HEATR1: variants seen among roughly 807,000 people sequenced by gnomAD.
HEATR1 encodes the protein HEAT repeat containing 1.
Under a neutral mutation model 248.2 loss-of-function variants are expected in HEATR1, and 77 were observed. That is an observed-to-expected ratio of 0.31 (90% CI 0.26 to 0.37). HEATR1 has a LOEUF of 0.37. Ranked by LOEUF, HEATR1 falls within the 10% of genes least tolerant of loss-of-function variation. HEATR1 has a pLI of 1.00. For missense variants in HEATR1, 2,420 were observed against 2,504.9 expected (o/e 0.97, Z 0.72); for synonymous variants, 897 against 923.1 (o/e 0.97, Z 0.51).
chr1:236,601,841 TAA>T (rs1411024690), intron 3 of HEATR1, among the ~76,000 whole-genome samples: 1 of 145,358 alleles, frequency 6.9e-6, no homozygotes, highest in Non-Finnish European at 1.5e-5. Flanking sequence ...AAAATAAAAA[TAA>T]AAAGACAGCC....
intron 24 of HEATR1, 116 bp downstream of exon 24, chr1:236,574,086 A>T: frequency 1.2e-6 from 1 of 817,408 alleles, no homozygotes; most frequent in Non-Finnish European, 1.8e-6. Flanking sequence ...GATTTTTGTT[A>T]ATGGTAACAT....
intron 4 of HEATR1, among the ~76,000 whole-genome samples, chr1:236,598,951 G>T (rs2275684): frequency 0.035 from 5,378 of 152,242 alleles, 261 homozygotes; most frequent in East Asian, 0.23. Flanking sequence ...GACCCTTCCT[G>T]TTATACAAGC....
intron 43 of HEATR1, chr1:236,552,847 G>T (rs1298518322): frequency 6.6e-6 from 1 of 152,194 alleles, no homozygotes; most frequent in African/African-American, 2.4e-5. Flanking sequence ...TTTGTGCAAA[G>T]TAAAATATTA....
Position 236,583,020 on chromosome 1 carries a change from A to G in HEATR1, c.2418T>C (p.Phe806=), listed in dbSNP as rs1488368593. 5 of 1,613,614 alleles carry G rather than the reference A, an allele frequency of 3.1e-6. No homozygotes were observed. The highest frequency in any genetic ancestry group is 4.2e-6 in the Non-Finnish European group (5 of 1,179,824). The stretch of plus-strand genomic sequence containing the variant: ...TCACAGCTTGTATCTTACCTTTAGG[A>G]AAAGATTTAGGAGCTTTCAGTGCAT... ...FIYALKAPKS[F]PKGDIWWNPE... Residue 806 remains phenylalanine (F), a synonymous_variant, in exon 18 of 45, where the codon TTT becomes TTC. Coordinates refer to ENST00000366582, the MANE Select transcript of HEATR1 (RefSeq NM_018072.6).
At chr1:236,569,999 T>C (rs1218889096) in intron 28 of HEATR1, among the ~76,000 whole-genome samples, 1 of 152,126 alleles carries the variant, frequency 6.6e-6, no homozygotes, top group Non-Finnish European at 1.5e-5. Context: ...AAAAACATTA[T>C]GCTAAGCAGC....
intron 37 of HEATR1, 101 bp downstream of exon 37, chr1:236,557,094 A>G (rs1045985945): frequency 8.0e-7 from 1 of 1,245,124 alleles, no homozygotes; most frequent in Admixed American, 2.8e-5. Flanking sequence ...CTTTCTGTCA[A>G]ACGGAAACTA....
At chr1:236,566,938 G>A in intron 29 of HEATR1, 62 bp from the exon 30 acceptor site, 1 of 1,127,324 alleles carries the variant, frequency 8.9e-7, no homozygotes, top group South Asian at 1.3e-5. Context: ...AACAAGTTTA[G>A]GTGAACAAGA....
chr1:236,603,437 C>T, intron 2 of HEATR1, 61 bp from the exon 3 acceptor site: 1 of 1,367,994 alleles, frequency 7.3e-7, no homozygotes, highest in East Asian at 2.3e-5. Flanking sequence ...CATCCCACCC[C>T]TCTTTTACAG....
chr1:236,561,891 C>T (rs1248618052), intron 32 of HEATR1, among the ~76,000 whole-genome samples: 5 of 152,154 alleles, frequency 3.3e-5, no homozygotes, highest in African/African-American at 1.2e-4. Flanking sequence ...TCCCCTTTTA[C>T]TAATAATGCT....
intron 8 of HEATR1, 24 bp from the exon 9 acceptor site, chr1:236,594,138 G>T (rs753966145): frequency 6.9e-7 from 1 of 1,450,740 alleles, no homozygotes; most frequent in Non-Finnish European, 9.4e-7. Flanking sequence ...AATTAAAATT[G>T]TGTTGGGAAA....
chr1:236,578,697 A>AT (rs1479962924), intron 20 of HEATR1, among the ~76,000 whole-genome samples: 2 of 152,118 alleles, frequency 1.3e-5, no homozygotes, highest in Non-Finnish European at 2.9e-5. Flanking sequence ...TTTCTTTAGG[A>AT]TTTTTACATA....
rs1349339113 is a variant in HEATR1 at position 236,572,542 on chromosome 1, A to T, written c.3576T>A (p.Asp1192Glu). 1.2e-6 allele frequency: 2 copies of T among 1,613,736 alleles called. No homozygotes were observed. The highest frequency in any genetic ancestry group is 3.3e-5 in the Admixed American group (2 of 59,930). Residue 1192 changes from aspartate to glutamate, a missense_variant, in exon 26 of 45, where the codon GAT becomes GAA. Physicochemically the swap from Asp to Glu is conservative, Grantham distance 45. Transcript: ENST00000366582. ...RQKMQQKKSQ[D>E]LESVQEVGGS... is the part of the protein sequence containing the mutation. ...CTCCAACTTCCTGAACAGATTCTAG[A>T]TCTTGTGATTTTCTGGAAAATGGAG...
intron 22 of HEATR1, 67 bp downstream of exon 22, chr1:236,576,152 C>T: frequency 8.0e-7 from 1 of 1,249,916 alleles, no homozygotes; most frequent in South Asian, 1.8e-5. Context: ...CTTCTTCACC[C>T]ACAAGCAGTT....
rs1663506030 is a variant in HEATR1, at chr1:236,574,242, T to C, written c.3419A>G (p.Asn1140Ser). The C allele has an allele frequency of 6.2e-7, 1 of 1,612,548 alleles. No homozygotes were observed. The highest frequency in any genetic ancestry group is 8.5e-7 in the Non-Finnish European group (1 of 1,179,454). ...MLFDLLVNCKNSHCAQTVSSV... is the reference protein window; with the variant it reads ...MLFDLLVNCKSSHCAQTVSSV... ...GCTGACAGTCTGAGCACAATGTGAG[T>C]TTTTACAGTTCACCAATAAATCAAA... Residue 1140 changes from asparagine to serine, a missense_variant, in exon 24 of 45, where the codon AAC becomes AGC. Transcript: ENST00000366582.
intron 8 of HEATR1, among the ~76,000 whole-genome samples, chr1:236,594,549 C>T (rs1230221692): frequency 6.6e-6 from 1 of 152,104 alleles, no homozygotes. Flanking sequence ...TGATCTTAGC[C>T]CTTGCTTTCA....
chr1:236,594,026 G>A lies in HEATR1; in HGVS notation c.1179C>T (p.Asp393=), dbSNP rs1308913437. 6 of 1,590,224 alleles carry A rather than the reference G, an allele frequency of 3.8e-6. No individual in the cohort carries two copies. The highest frequency in any genetic ancestry group is 3.6e-5 in the Admixed American group (2 of 56,226). ...TAATAGCTTACCTAGCCAACAAATG[G>A]TCTAAGTTGTTCTTCAGTGATATTT... ...LTKISLKNNL[D]HLLASLLFEE... Residue 393 remains aspartate, a synonymous_variant, in exon 9 of 45, where the codon GAC becomes GAT. Coordinates refer to ENST00000366582, the MANE Select transcript of HEATR1 (RefSeq NM_018072.6).
rs1163120858 is a variant in HEATR1 at position 236,571,604 on chromosome 1, G to T, written c.3790C>A (p.Gln1264Lys). ...TTGCCACCATCTGGAGATAGTTTTT[G>T]GCAGATGTTGAGCAGACAACTAAGA... ...LILSCLLNICQKLSPDGGKIP... is the reference protein window; with the variant it reads ...LILSCLLNICKKLSPDGGKIP... Residue 1264 changes from glutamine to lysine, a missense_variant, in exon 27 of 45, where the codon CAA becomes AAA. Gln to Lys is a moderately conservative substitution (Grantham distance 53, BLOSUM62 1). Transcript: ENST00000366582. The T allele has an allele frequency of 6.2e-7, 1 of 1,613,840 alleles. No homozygotes were observed. Among genetic ancestry groups the T allele is most frequent in the Non-Finnish European group, 8.5e-7 (1 of 1,179,894 alleles).
At position 236,552,082 on chromosome 1, in the gene HEATR1, A is replaced by T. The variant is rs563013149; in HGVS notation, c.6263T>A (p.Val2088Glu). The change falls in exon 44 of 45, where the codon GTG becomes GAG. Residue 2088 changes from valine to glutamate, a missense_variant. Coordinates refer to ENST00000366582, the MANE Select transcript of HEATR1 (RefSeq NM_018072.6). ...CTTTAGTTTTTCAGCCAGTGCTAAC[A>T]CAGTAATCAAAGCAGCAAATCGAAC... ...PKVRFAALITVLALAEKLKEN... is the reference protein window; with the variant it reads ...PKVRFAALITELALAEKLKEN... 7 of 1,613,006 alleles carry T rather than the reference A, an allele frequency of 4.3e-6. No homozygotes were observed. The South Asian group carries it at 5.5e-5, about 13-fold the overall frequency.
rs778012930 is a variant in HEATR1 at position 236,574,843 on chromosome 1, G to A, written c.3145C>T (p.Pro1049Ser). The change falls in exon 23 of 45, where the codon CCC becomes TCC. Residue 1049 changes from proline to serine, a missense_variant. Physicochemically the swap from Pro to Ser is moderately conservative, Grantham distance 74. Transcript: ENST00000366582. Reference sequence around the variant, plus strand: ...GCCTCATCTTTCAGCACAGCTGTGGGCTCCTTCTGGATCTTTTCTAGCAGT... The same window carrying A: ...GCCTCATCTTTCAGCACAGCTGTGGACTCCTTCTGGATCTTTTCTAGCAGT... ...EQLLEKIQKE[P>S]TAVLKDEAMV... 31 of 1,613,758 alleles carry A rather than the reference G, an allele frequency of 1.9e-5. No homozygotes were observed. The South Asian group carries it at 3.3e-4, about 17-fold the overall frequency.
Sources: allele counts gnomAD v4.1 joint callset (sites outside exome capture counted in the v4.1 genomes callset), GRCh38; gene constraint gnomAD v4.1.1; transcripts MANE v1.5; gene names NCBI Gene and HGNC (gene_info 2026-07-23, HGNC 2026-07-21).